RBFOX1: variants seen among roughly 807,000 people sequenced by gnomAD.
RBFOX1 encodes the protein RNA binding protein fox-1 homolog 1.
Under a neutral mutation model 57.7 loss-of-function variants are expected in RBFOX1, and 8 were observed. The ratio of observed to expected loss-of-function variants is 0.14; its 90% confidence interval spans 0.08 to 0.25. RBFOX1 has a LOEUF of 0.25. Ranked by LOEUF, RBFOX1 falls within the 10% of genes least tolerant of loss-of-function variation. RBFOX1 has a pLI of 1.00. For synonymous variants in RBFOX1, 326 were observed against 222.4 expected (o/e 1.47, Z -4.15); for missense variants, 611 against 548.5 (o/e 1.11, Z -1.14).
At chr16:6,351,344 GTGTGTGTGTATATA>G (rs1314956072) in intron 2 of RBFOX1, among the ~76,000 whole-genome samples, 3 of 103,098 alleles carry the variant, frequency 2.9e-5, no homozygotes, top group African/African-American at 1.7e-4. Context: ...GTGTGTGTGT[GTGTGTGTGTATATA>G]TATATATATA....
intron 2 of RBFOX1, among the ~76,000 whole-genome samples, chr16:6,405,056 A>G (rs2093226462): frequency 6.6e-6 from 1 of 152,192 alleles, no homozygotes; most frequent in African/African-American, 2.4e-5. Flanking sequence ...CCTGCATAAC[A>G]CAATGATCAA....
chr16:5,454,759 C>CT (rs1555523992), intron 1 of RBFOX1, among the ~76,000 whole-genome samples: 2 of 75,950 alleles, frequency 2.6e-5, no homozygotes, highest in African/African-American at 5.1e-5. Context: ...CTTTTCTTTT[C>CT]TTTCTTTCTC....
intron 3 of RBFOX1, among the ~76,000 whole-genome samples, chr16:6,711,727 C>T (rs1397131359): frequency 6.6e-6 from 1 of 152,152 alleles, no homozygotes; most frequent in Non-Finnish European, 1.5e-5. Flanking sequence ...TGAGAATGGA[C>T]CGATACACTC....
chr16:6,380,027 A>G (rs1435456233), intron 2 of RBFOX1, among the ~76,000 whole-genome samples: 1 of 152,144 alleles, frequency 6.6e-6, no homozygotes, highest in Non-Finnish European at 1.5e-5. Context: ...GGCAAGAAAG[A>G]GCAAGTTGGG....
chr16:7,303,796 C>T (rs1320290349), intron 4 of RBFOX1, among the ~76,000 whole-genome samples: 1 of 150,982 alleles, frequency 6.6e-6, no homozygotes. Context: ...TCTCCCCTCC[C>T]TCTCTCTTCC....
At chr16:5,948,444 C>G (rs967403028) in intron 4 of RBFOX1, among the ~76,000 whole-genome samples, 1 of 152,168 alleles carries the variant, frequency 6.6e-6, no homozygotes, top group Non-Finnish European at 1.5e-5. Flanking sequence ...TCATGTCTAC[C>G]TGGAACCTCA....
intron 4 of RBFOX1, among the ~76,000 whole-genome samples, chr16:7,190,291 G>A (rs1389715088): frequency 1.3e-5 from 2 of 152,096 alleles, no homozygotes; most frequent in Admixed American, 6.5e-5. Context: ...CGCAGGAGGC[G>A]GAGGTTGCAG....
chr16:6,794,915 C>T lies in RBFOX1; in HGVS notation c.-16+140265C>T, dbSNP rs993472601. 2.2e-4 allele frequency among the ~76,000 whole-genome samples: 34 copies of T among 152,128 alleles called. 2 individuals are homozygous for T. On this transcript the variant is annotated intron_variant, in intron 3 of 15. Transcript: ENST00000550418. ...CCTCTGGATCAACCCATTCATTTCA[C>T]AGATGAGCAAACTGAGACCTCAAAT...
At chr16:6,099,348 C>G (rs745923608) in intron 1 of RBFOX1, among the ~76,000 whole-genome samples, 2 of 152,222 alleles carry the variant, frequency 1.3e-5, no homozygotes, top group Non-Finnish European at 1.5e-5. Flanking sequence ...CAAACTACAC[C>G]GAAATTGACA....
intron 2 of RBFOX1, among the ~76,000 whole-genome samples, chr16:6,624,690 C>T (rs1421342841): frequency 6.6e-6 from 1 of 152,132 alleles, no homozygotes; most frequent in Non-Finnish European, 1.5e-5. Flanking sequence ...TCACCAGAAA[C>T]TCCTAGACGT....
chr16:6,518,033 T>A (rs2096415348), intron 2 of RBFOX1, among the ~76,000 whole-genome samples: 1 of 152,196 alleles, frequency 6.6e-6, no homozygotes, highest in Non-Finnish European at 1.5e-5. Context: ...TCTGAAGTTC[T>A]TGTCTGTCTT....
At chr16:6,838,984 CT>C (rs769388217) in intron 3 of RBFOX1, among the ~76,000 whole-genome samples, 1 of 151,174 alleles carries the variant, frequency 6.6e-6, no homozygotes, top group Non-Finnish European at 1.5e-5. Flanking sequence ...CCATCATTTT[CT>C]TTTTTTTCTT....
chr16:6,357,062 A>C (rs1231386233), intron 2 of RBFOX1, among the ~76,000 whole-genome samples: 1 of 152,094 alleles, frequency 6.6e-6, no homozygotes. Flanking sequence ...TATTTGGAGC[A>C]GTATTTGGCC....
intron 2 of RBFOX1, among the ~76,000 whole-genome samples, chr16:6,440,384 G>A (rs949301352): frequency 1.3e-5 from 2 of 152,178 alleles, no homozygotes; most frequent in Non-Finnish European, 2.9e-5. Flanking sequence ...AGGTAGCTGG[G>A]CTTAACCAAG....
At chr16:6,092,923 G>A (rs1036443452) in intron 1 of RBFOX1, 2 of 152,002 alleles carry the variant, frequency 1.3e-5, no homozygotes, top group Admixed American at 1.3e-4. Context: ...TAATTCCTAT[G>A]GTGGGAAGAA....
At chr16:7,015,616 A>G (rs1275678518) in intron 3 of RBFOX1, among the ~76,000 whole-genome samples, 1 of 152,020 alleles carries the variant, frequency 6.6e-6, no homozygotes, top group Non-Finnish European at 1.5e-5. Flanking sequence ...ATTAGACACC[A>G]TTTGTGGTTC....
At chr16:7,434,511 A>G (rs1054855268) in intron 4 of RBFOX1, among the ~76,000 whole-genome samples, 2 of 151,930 alleles carry the variant, frequency 1.3e-5, no homozygotes, top group South Asian at 2.1e-4. Context: ...AATAAAAAAA[A>G]TCATCAGGAG....
intron 2 of RBFOX1, among the ~76,000 whole-genome samples, chr16:5,503,685 C>G (rs1003344250): frequency 3.9e-5 from 6 of 152,108 alleles, no homozygotes; most frequent in Admixed American, 3.9e-4. Flanking sequence ...CTGAGGTGAT[C>G]CATCTGCCTC....
At chr16:7,050,458 G>T (rs1206211321) in intron 3 of RBFOX1, among the ~76,000 whole-genome samples, 1 of 151,742 alleles carries the variant, frequency 6.6e-6, no homozygotes, top group Admixed American at 6.6e-5. Context: ...TAGAGAAGAG[G>T]TTTCACCATA....
Sources: allele counts gnomAD v4.1 joint callset (sites outside exome capture counted in the v4.1 genomes callset), GRCh38; gene constraint gnomAD v4.1.1; transcripts MANE v1.5; gene names NCBI Gene and HGNC (gene_info 2026-07-23, HGNC 2026-07-21).